The following CTNNA3 variants were observed in gnomAD, a reference collection of about 807,000 sequenced individuals.
CTNNA3 encodes the protein catenin alpha 3.
CTNNA3 carries 76 observed loss-of-function variants against 95.7 expected under a neutral mutation model. The observed-to-expected ratio is 0.79, with a 90% CI of 0.66 to 0.96. The LOEUF is 0.96. CTNNA3 is among the 40% of genes least tolerant of loss of function. The pLI is 0.00. For synonymous variants in CTNNA3, 431 were observed against 374.4 expected (o/e 1.15, Z -1.74); for missense variants, 1,191 against 1,089.8 (o/e 1.09, Z -1.31).
intron 12 of CTNNA3, among the ~76,000 whole-genome samples, chr10:66,285,413 T>C (rs945503376): frequency 2.0e-5 from 3 of 151,876 alleles, no homozygotes; most frequent in Non-Finnish European, 2.9e-5. Context: ...AAAATCTTCA[T>C]ATGTCTACAT....
chr10:66,398,245 GAA>G (rs2092994107), intron 11 of CTNNA3, among the ~76,000 whole-genome samples: 1 of 151,830 alleles, frequency 6.6e-6, no homozygotes, highest in Non-Finnish European at 1.5e-5. Flanking sequence ...TCAGATTTAT[GAA>G]AAGAGTGGCA....
At chr10:66,777,266 T>C (rs1484704415) in intron 7 of CTNNA3, among the ~76,000 whole-genome samples, 1 of 151,890 alleles carries the variant, frequency 6.6e-6, no homozygotes, top group African/African-American at 2.4e-5. Context: ...CAGCCAAAAA[T>C]TGGCACCACA....
chr10:66,761,749 A>T (rs974025251), intron 9 of CTNNA3, among the ~76,000 whole-genome samples: 2 of 152,148 alleles, frequency 1.3e-5, no homozygotes, highest in South Asian at 4.1e-4. Flanking sequence ...TGATATAGCA[A>T]AGGGCTTGAA....
intron 5 of CTNNA3, among the ~76,000 whole-genome samples, chr10:67,348,301 C>A (rs1842508005): frequency 6.6e-6 from 1 of 152,022 alleles, no homozygotes; most frequent in Non-Finnish European, 1.5e-5. Context: ...ACAAATGAGC[C>A]CACATCAAAG....
chr10:67,712,979 C>A (rs77482068), intron 1 of CTNNA3, among the ~76,000 whole-genome samples: 1 of 152,306 alleles, frequency 6.6e-6, no homozygotes, highest in South Asian at 2.1e-4. Context: ...AAGAAACTAT[C>A]TTCAGAGGGA....
rs550249818 is a variant in CTNNA3 at position 67,539,589 on chromosome 10, C to A, written c.373G>T (p.Ala125Ser). 1.9e-6 allele frequency: 3 copies of A among 1,613,854 alleles called. No homozygotes were observed. In the East Asian group the frequency reaches 6.7e-5, roughly 36 times the overall value. ...GTCACCGCAGCCAGCAAGGCACGGGCAGCTTGAACCACAGCCTCCCTTTTT... is the reference window on the plus strand; with the variant it reads ...GTCACCGCAGCCAGCAAGGCACGGGAAGCTTGAACCACAGCCTCCCTTTTT... Reference protein sequence around the residue: ...LPKREAVVQAARALLAAVTRL... With the variant: ...LPKREAVVQASRALLAAVTRL... The change falls in exon 4 of 18, where the codon GCC becomes TCC. Residue 125 changes from alanine to serine, a missense_variant. Ala to Ser is a moderately conservative substitution (Grantham distance 99, BLOSUM62 1). Coordinates refer to ENST00000433211, the MANE Select transcript of CTNNA3 (RefSeq NM_013266.4).
At chr10:66,069,282 T>C (rs1564616173) in intron 15 of CTNNA3, 26 bp downstream of exon 15, 1 of 1,602,552 alleles carries the variant, frequency 6.2e-7, no homozygotes, top group Non-Finnish European at 8.5e-7. Flanking sequence ...ATTATGAATA[T>C]TACACATCGT....
chr10:67,758,688 G>C (rs950478425), intron 1 of CTNNA3, among the ~76,000 whole-genome samples: 1 of 151,890 alleles, frequency 6.6e-6, no homozygotes, highest in Non-Finnish European at 1.5e-5. Context: ...GAGTTTTATA[G>C]GGAATCAATT....
chr10:67,700,139 G>T (rs1841024259), upstream of CTNNA3, among the ~76,000 whole-genome samples: 1 of 152,246 alleles, frequency 6.6e-6, no homozygotes, highest in African/African-American at 2.4e-5. Context: ...AATGGGTGGA[G>T]CCCACCACAG....
chr10:66,400,513 G>GAT (rs1262472198), intron 11 of CTNNA3, among the ~76,000 whole-genome samples: 2 of 151,946 alleles, frequency 1.3e-5, no homozygotes, highest in Non-Finnish European at 2.9e-5. Flanking sequence ...GAGAAAGAGT[G>GAT]ATATATATAG....
At chr10:66,937,632 A>G (rs10997448) in intron 7 of CTNNA3, among the ~76,000 whole-genome samples, 42,687 of 152,032 alleles carry the variant, frequency 0.28, 6,282 homozygotes, top group Middle Eastern at 0.34. Flanking sequence ...GTAGTACATA[A>G]AACCAATGTC....
intron 7 of CTNNA3, among the ~76,000 whole-genome samples, chr10:66,934,520 C>T (rs1847584332): frequency 6.6e-6 from 1 of 152,144 alleles, no homozygotes; most frequent in African/African-American, 2.4e-5. Flanking sequence ...ACTTCTCTTT[C>T]CTCTACAATC....
At chr10:67,278,311 G>A (rs1323923515) in intron 5 of CTNNA3, among the ~76,000 whole-genome samples, 1 of 152,130 alleles carries the variant, frequency 6.6e-6, no homozygotes, top group Non-Finnish European at 1.5e-5. Context: ...GCCCTTGGGA[G>A]GTCCAGAGAA....
At chr10:66,547,955 G>A (rs1376955867) in intron 10 of CTNNA3, among the ~76,000 whole-genome samples, 1 of 147,418 alleles carries the variant, frequency 6.8e-6, no homozygotes, top group African/African-American at 2.5e-5. Flanking sequence ...CACTCTTGTT[G>A]CTCAGGCTGG....
At chr10:66,690,711 C>T (rs947219043) in intron 9 of CTNNA3, among the ~76,000 whole-genome samples, 1 of 151,728 alleles carries the variant, frequency 6.6e-6, no homozygotes, top group Non-Finnish European at 1.5e-5. Flanking sequence ...TTTTCTTAAT[C>T]CAGTCTATCG....
chr10:67,074,076 T>A (rs10997494), intron 7 of CTNNA3, among the ~76,000 whole-genome samples: 1 of 138,278 alleles, frequency 7.2e-6, no homozygotes, highest in Non-Finnish European at 1.5e-5. Flanking sequence ...TGGCTCTGTC[T>A]CCAGGCTGGA....
intron 11 of CTNNA3, among the ~76,000 whole-genome samples, chr10:66,410,908 C>G (rs1444779788): frequency 6.6e-6 from 1 of 152,144 alleles, no homozygotes; most frequent in Non-Finnish European, 1.5e-5. Flanking sequence ...CAGCGGAACT[C>G]TTAAAGGCAA....
intron 12 of CTNNA3, among the ~76,000 whole-genome samples, chr10:66,319,747 G>A (rs17511): frequency 0.57 from 87,232 of 151,836 alleles, 25,748 homozygotes; most frequent in Non-Finnish European, 0.64. Context: ...ATTCAAATGC[G>A]ATTTGTAACT....
chr10:67,581,138 G>C (rs111829837), intron 3 of CTNNA3, among the ~76,000 whole-genome samples: 15,669 of 152,090 alleles, frequency 0.1, 1,611 homozygotes, highest in African/African-American at 0.26. Flanking sequence ...TCTTGTGCTC[G>C]TTTTCAAAGG....
Sources: gnomAD v4.1 joint callset for allele counts (sites outside exome capture counted in the v4.1 genomes callset) on GRCh38, gnomAD v4.1.1 for gene constraint, MANE v1.5 for transcripts, NCBI Gene and HGNC (gene_info 2026-07-23, HGNC 2026-07-21) for gene names.